Variants in EXOSC4 observed in about 807,000 individuals in gnomAD.
EXOSC4 encodes the protein exosome complex component RRP41.
A neutral mutation model predicts 20.0 loss-of-function variants in EXOSC4; 14 were observed. The observed-to-expected ratio is 0.70, with a 90% confidence interval of 0.46 to 1.09. The LOEUF (loss-of-function observed/expected upper bound fraction) is 1.09, where lower values mean the gene tolerates loss of function less well. Among genes scored for constraint, EXOSC4 ranks in the 50% least tolerant of loss-of-function variants. The pLI, the probability that EXOSC4 is intolerant of heterozygous loss-of-function variation, is 0.00. For missense variants in EXOSC4, 337 were observed against 334.0 expected, an observed-to-expected ratio of 1.01 and a Z score of -0.07; for synonymous variants, 148 against 146.4, an observed-to-expected ratio of 1.01 and a Z score of -0.08.
At chr8:144,066,121 A>T in the EXOSC4 span, among the ~76,000 whole-genome samples, 1 of 151,748 alleles carries the variant, frequency 6.6e-6, no homozygotes, top group Middle Eastern at 3.4e-3. Flanking sequence ...GATTCAGGCC[A>T]TTCTCCTGCC....
intron 1 of EXOSC4, 152 bp downstream of exon 1, chr8:144,079,051 C>G: frequency 3.3e-6 from 3 of 914,708 alleles, no homozygotes; most frequent in Non-Finnish European, 4.5e-6. Flanking sequence ...GGAGTAAACG[C>G]AAGTCCTTAG....
At chr8:144,070,865 G>A in the EXOSC4 span, among the ~76,000 whole-genome samples, 2 of 151,920 alleles carry the variant, frequency 1.3e-5, no homozygotes, top group African/African-American at 4.8e-5. Flanking sequence ...GAAATTGAGG[G>A]ACCTACAGGA....
Position 144,078,839 on chromosome 8 carries a change from C to T in EXOSC4, c.111C>T (p.Gly37=). The change falls in exon 1 of 3, where the codon GGC becomes GGT. Residue 37 remains glycine, a synonymous_variant. Transcript: ENST00000316052. The surrounding 1 kb of genome is among the most constrained non-coding windows in gnomAD (Gnocchi z 4.7). ...TGGGCGTGTTCGCGCAGGCTGACGG[C>T]TCGGCCTACATTGAGCAGGGCAACA... ...ARMGVFAQAD[G]SAYIEQGNTK... 6.3e-7 allele frequency: 1 copy of T among 1,580,746 alleles called. No individual in the cohort carries two copies. Among genetic ancestry groups the T allele is most frequent in the Non-Finnish European group, 8.6e-7 (1 of 1,166,246 alleles).
At chr8:144,078,176 G>A (rs1835854981), upstream of EXOSC4, 1 of 152,408 alleles carries the variant, frequency 6.6e-6, no homozygotes, top group South Asian at 2.0e-4. This position sits in a 1 kb window ranked among gnomAD's most constrained non-coding sequence, Gnocchi z 4.7. Flanking sequence ...GAGGACTGGA[G>A]AGGTGCCAGG....
the EXOSC4 span, among the ~76,000 whole-genome samples, chr8:144,068,454 C>T: frequency 6.6e-6 from 1 of 152,302 alleles, no homozygotes; most frequent in East Asian, 1.9e-4. Context: ...CTGCCCTGGC[C>T]CTTGGGAGGC....
chr8:144,077,211 C>T (rs1374991447), upstream of EXOSC4, among the ~76,000 whole-genome samples: 1 of 152,142 alleles, frequency 6.6e-6, no homozygotes, highest in African/African-American at 2.4e-5. Context: ...TGCCACGGCA[C>T]TCTAGCCTGG....
intron 1 of EXOSC4, chr8:144,079,644 G>A: frequency 1.8e-6 from 1 of 542,440 alleles, no homozygotes; most frequent in South Asian, 1.8e-5. Context: ...CATATGTAAT[G>A]TGAAACCTTT....
chr8:144,071,179 TCCC>T, the EXOSC4 span, among the ~76,000 whole-genome samples: 1 of 12,076 alleles, frequency 8.3e-5, no homozygotes, highest in African/African-American at 3.7e-4. Context: ...CCCCTCCCCC[TCCC>T]CTCCCCCTTC....
chr8:144,071,510 T>C, the EXOSC4 span, among the ~76,000 whole-genome samples: 1 of 148,244 alleles, frequency 6.7e-6, no homozygotes, highest in Non-Finnish European at 1.5e-5. Context: ...TTTCACCATG[T>C]TGACCAGGCT....
chr8:144,076,212 C>G (rs1330052501), upstream of EXOSC4, among the ~76,000 whole-genome samples: 1 of 152,236 alleles, frequency 6.6e-6, no homozygotes. Flanking sequence ...TTCACACACA[C>G]GGCTCCAGCT....
the EXOSC4 span, among the ~76,000 whole-genome samples, chr8:144,071,982 A>G: frequency 8.5e-5 from 13 of 152,172 alleles, no homozygotes; most frequent in Non-Finnish European, 1.9e-4. Context: ...GTTGTCTCAG[A>G]AAAATTAAAA....
chr8:144,075,574 TG>T (rs1435948801), upstream of EXOSC4, among the ~76,000 whole-genome samples: 1 of 152,158 alleles, frequency 6.6e-6, no homozygotes, highest in Non-Finnish European at 1.5e-5. Flanking sequence ...GGTTTTGCCA[TG>T]TTGTCCAAGC....
the EXOSC4 span, among the ~76,000 whole-genome samples, chr8:144,071,690 A>G: frequency 6.6e-6 from 1 of 150,952 alleles, no homozygotes; most frequent in Non-Finnish European, 1.5e-5. Context: ...CATACTGTAC[A>G]TATTGGTCAG....
upstream of EXOSC4, among the ~76,000 whole-genome samples, chr8:144,077,342 A>G (rs1835845301): frequency 6.6e-6 from 1 of 152,242 alleles, no homozygotes; most frequent in South Asian, 2.1e-4. Flanking sequence ...AGGGCTCCAC[A>G]ATAAGCAGAG....
rs1184392788 is a variant in EXOSC4 at position 144,079,939 on chromosome 8, C to G, written c.172-4C>G. On this transcript the variant is annotated splice_polypyrimidine_tract_variant and splice_region_variant and intron_variant, in intron 1 of 2. Coordinates refer to ENST00000316052, the MANE Select transcript of EXOSC4 (RefSeq NM_019037.3). Reference sequence around the variant, plus strand: ...GCCTGGCTCATGTGTCTGTCCTCTTCCAGATCCGGGGCTCCCGGGCTCGAG... The same window carrying G: ...GCCTGGCTCATGTGTCTGTCCTCTTGCAGATCCGGGGCTCCCGGGCTCGAG... 3 of 1,613,832 alleles carry G rather than the reference C, an allele frequency of 1.9e-6. No individual in the cohort carries two copies. Among genetic ancestry groups the G allele is most frequent in the African/African-American group, 1.3e-5 (1 of 74,914 alleles).
upstream of EXOSC4, among the ~76,000 whole-genome samples, chr8:144,077,481 A>C (rs1272382502): frequency 6.6e-6 from 1 of 152,168 alleles, no homozygotes; most frequent in Non-Finnish European, 1.5e-5. Context: ...TCAGTCTTTC[A>C]GGAGAGCTTA....
At chr8:144,079,734 G>A (rs891186161) in intron 1 of EXOSC4, 3 of 701,140 alleles carry the variant, frequency 4.3e-6, no homozygotes, top group Admixed American at 2.0e-5. Context: ...CAGGGAATGG[G>A]GCAAGGATGG....
chr8:144,079,079 C>A, intron 1 of EXOSC4, 180 bp downstream of exon 1: 1 of 653,998 alleles, frequency 1.5e-6, no homozygotes. Context: ...CGCGGTGGTC[C>A]TGCCTTTCTC....
chr8:144,079,345 TACATAAA>T (rs1276127435), intron 1 of EXOSC4: 1 of 201,484 alleles, frequency 5.0e-6, no homozygotes, highest in African/African-American at 2.4e-5. Context: ...AAAGGAACTT[TACATAAA>T]ACTATCTGGT....
Sources: gnomAD v4.1 joint callset for allele counts (sites outside exome capture counted in the v4.1 genomes callset) on GRCh38, gnomAD v4.1.1 for gene constraint, Gnocchi (gnomAD v3.1) non-coding constraint, MANE v1.5 for transcripts, NCBI Gene and HGNC (gene_info 2026-07-23, HGNC 2026-07-21) for gene names.